ADGRL2: variants seen among roughly 807,000 people sequenced by gnomAD.
ADGRL2 encodes adhesion G protein-coupled receptor L2.
In ADGRL2, 44 loss-of-function variants were observed where a neutral mutation model predicts 157.4. That is an observed-to-expected ratio of 0.28 (90% CI 0.22 to 0.36). The LOEUF is 0.36. Ranked by LOEUF, ADGRL2 falls within the 10% of genes least tolerant of loss-of-function variation. ADGRL2 has a pLI of 1.00. For missense variants in ADGRL2, 1,510 were observed against 1,768.9 expected (o/e 0.85, Z 2.63); for synonymous variants, 585 against 624.7 (o/e 0.94, Z 0.95).
At chr1:81,579,671 T>C (rs2080866645) in intron 2 of ADGRL2, among the ~76,000 whole-genome samples, 1 of 152,144 alleles carries the variant, frequency 6.6e-6, no homozygotes, top group Non-Finnish European at 1.5e-5. Context: ...GTTCAGAATA[T>C]GCTATTTTAA....
intron 2 of ADGRL2, among the ~76,000 whole-genome samples, chr1:81,571,918 C>T (rs1001706303): frequency 2.0e-5 from 3 of 152,196 alleles, no homozygotes; most frequent in African/African-American, 7.2e-5. Context: ...CTTTTCTTGT[C>T]TCATCAACAA....
At chr1:81,702,082 G>T (rs569934858) in intron 1 of ADGRL2, among the ~76,000 whole-genome samples, 26 of 152,296 alleles carry the variant, frequency 1.7e-4, no homozygotes, top group South Asian at 8.3e-4. Context: ...ATGGATATGT[G>T]AAAGAGTCTA....
At chr1:81,851,922 A>AT (rs900991588) in intron 2 of ADGRL2, among the ~76,000 whole-genome samples, 11 of 151,772 alleles carry the variant, frequency 7.2e-5, no homozygotes, top group East Asian at 1.9e-4. Flanking sequence ...CAACTATAGG[A>AT]TTTTTTTTAT....
chr1:81,378,860 T>C (rs2076296669), intron 1 of ADGRL2, among the ~76,000 whole-genome samples: 1 of 152,212 alleles, frequency 6.6e-6, no homozygotes, highest in African/African-American at 2.4e-5. Flanking sequence ...ATATTATAAA[T>C]GACGCTATAG....
intron 2 of ADGRL2, among the ~76,000 whole-genome samples, chr1:81,880,784 G>A (rs1396420445): frequency 1.3e-5 from 2 of 151,904 alleles, no homozygotes; most frequent in East Asian, 1.9e-4. Context: ...CCACGGGCAT[G>A]TTTAGGCAAG....
intron 2 of ADGRL2, among the ~76,000 whole-genome samples, chr1:81,481,968 G>A (rs1378973681): frequency 6.6e-6 from 1 of 152,002 alleles, no homozygotes; most frequent in Non-Finnish European, 1.5e-5. Flanking sequence ...CTCTATTGAC[G>A]TTTCTGACAC....
chr1:81,340,969 C>A (rs772620810), intron 1 of ADGRL2, among the ~76,000 whole-genome samples: 16 of 151,602 alleles, frequency 1.1e-4, no homozygotes, highest in Non-Finnish European at 1.8e-4. Flanking sequence ...TTTTCCACAT[C>A]GTCAATGGGC....
intron 2 of ADGRL2, among the ~76,000 whole-genome samples, chr1:81,514,349 G>C (rs1022060516): frequency 6.6e-6 from 1 of 152,148 alleles, no homozygotes; most frequent in African/African-American, 2.4e-5. Context: ...CCACTGATTA[G>C]ATTGCATAGT....
chr1:81,615,825 T>A (rs1429187995), intron 3 of ADGRL2, among the ~76,000 whole-genome samples: 2 of 152,228 alleles, frequency 1.3e-5, no homozygotes, highest in East Asian at 3.8e-4. Context: ...CTAGTTGGGA[T>A]GAATGGTTAG....
intron 3 of ADGRL2, among the ~76,000 whole-genome samples, chr1:81,657,198 G>A (rs920227956): frequency 7.2e-5 from 11 of 152,070 alleles, no homozygotes; most frequent in African/African-American, 2.4e-4. Flanking sequence ...CATATTAAAA[G>A]GTGGGGCTTT....
chr1:81,602,314 G>A (rs896907495), intron 3 of ADGRL2, among the ~76,000 whole-genome samples: 7 of 151,966 alleles, frequency 4.6e-5, no homozygotes, highest in African/African-American at 1.7e-4. Context: ...ACAACTATTG[G>A]TGGGGTGCAG....
rs1030417040 is a variant in ADGRL2, at chr1:81,755,194, A to G, written c.-142-6617A>G. 9.5e-5 allele frequency among the ~76,000 whole-genome samples: 13 copies of G among 136,914 alleles called. No individual in the cohort carries two copies. In the East Asian group the frequency reaches 2.9e-3, roughly 31 times the overall value. 89.8% of individuals were successfully genotyped at this position (136,914 alleles called of 152,430 possible). On this transcript the variant is annotated intron_variant, in intron 1 of 20. Coordinates refer to the ADGRL2 transcript ENST00000359929. ...AAGATATATATAGATTTAAAGATAT[A>G]TATATATAAATGCATATATGAAGAT...
chr1:81,746,893 C>CACGTATATACACACGTGCACACGTATAT lies in ADGRL2; in HGVS notation c.-142-14901_-142-14874dup, dbSNP rs1168575111. Among the ~76,000 whole-genome samples, 375 of 127,184 alleles carry CACGTATATACACACGTGCACACGTATAT rather than the reference C, an allele frequency of 2.9e-3. 1 individual carries two copies. Among genetic ancestry groups the CACGTATATACACACGTGCACACGTATAT allele is most frequent in the African/African-American group, 9.7e-3 (297 of 30,610 alleles). The allele number at this position is 127,184 out of a possible 152,430, so 83.4% of individuals were successfully genotyped here. A position where few individuals can be genotyped will look rare whatever the true frequency, so the allele number is the denominator to read the frequency against. ...GTATATACACACGTGCACACGTATA[C>CACGTATATACACACGTGCACACGTATAT]ACGTATATACACACGTGCACACGTA... On this transcript the variant is annotated intron_variant, in intron 1 of 20. Coordinates refer to the ADGRL2 transcript ENST00000359929.
At chr1:81,487,653 A>G (rs554794650) in intron 2 of ADGRL2, among the ~76,000 whole-genome samples, 41 of 148,918 alleles carry the variant, frequency 2.8e-4, no homozygotes, top group African/African-American at 9.7e-4. Flanking sequence ...TCAAAAAAAA[A>G]GGGGGAGATA....
intron 2 of ADGRL2, among the ~76,000 whole-genome samples, chr1:81,506,568 G>A (rs983862319): frequency 2.0e-5 from 3 of 151,964 alleles, no homozygotes; most frequent in Non-Finnish European, 2.9e-5. Context: ...AAATTAGCCA[G>A]GTGTGTCAGT....
intron 1 of ADGRL2, among the ~76,000 whole-genome samples, chr1:81,394,864 T>C (rs1442819778): frequency 2.0e-5 from 3 of 151,888 alleles, no homozygotes; most frequent in South Asian, 2.1e-4. Context: ...GCATTTGTTA[T>C]ATTTTGTCTC....
At chr1:81,809,955 T>C (rs776893760) in intron 1 of ADGRL2, among the ~76,000 whole-genome samples, 3 of 151,926 alleles carry the variant, frequency 2.0e-5, no homozygotes, top group Non-Finnish European at 2.9e-5. Flanking sequence ...TAGGTATTTT[T>C]ACATCAGTCC....
At chr1:81,751,206 G>A (rs1353461570) in intron 1 of ADGRL2, among the ~76,000 whole-genome samples, 2 of 151,754 alleles carry the variant, frequency 1.3e-5, no homozygotes, top group Non-Finnish European at 2.9e-5. Flanking sequence ...TAATCTATTG[G>A]GTAAAATGAA....
chr1:81,385,197 T>G (rs946212998), intron 1 of ADGRL2, among the ~76,000 whole-genome samples: 1 of 152,158 alleles, frequency 6.6e-6, no homozygotes, highest in African/African-American at 2.4e-5. Flanking sequence ...AAAGTGATGA[T>G]CCTATAAATT....
Sources: gnomAD v4.1 joint callset for allele counts (sites outside exome capture counted in the v4.1 genomes callset) on GRCh38, gnomAD v4.1.1 for gene constraint, MANE v1.5 for transcripts, NCBI Gene and HGNC (gene_info 2026-07-23, HGNC 2026-07-21) for gene names.